Variants in ZNF638 observed in about 807,000 individuals in gnomAD.
The protein encoded by ZNF638 is CTCL tumor antigen se33-1.
ZNF638 carries 46 observed loss-of-function variants against 195.6 expected under a neutral mutation model. The observed-to-expected ratio is 0.24, with a 90% CI of 0.19 to 0.30. ZNF638 has a LOEUF of 0.30. Among genes scored for constraint, ZNF638 ranks in the 10% least tolerant of loss-of-function variants. The pLI is 1.00. For synonymous variants in ZNF638, 845 were observed against 772.0 expected, an observed-to-expected ratio of 1.09 and a Z score of -1.57; for missense variants, 2,440 against 2,325.3, an observed-to-expected ratio of 1.05 and a Z score of -1.01.
intron 20 of ZNF638, among the ~76,000 whole-genome samples, chr2:71,410,980 ACCT>A (rs1244265241): frequency 0.012 from 529 of 42,622 alleles, 24 homozygotes; most frequent in African/African-American, 0.048. Flanking sequence ...CCCACCCACC[ACCT>A]CCCCCCCCCT....
intron 1 of ZNF638, among the ~76,000 whole-genome samples, chr2:71,336,418 C>A (rs1270461447): frequency 7.0e-6 from 1 of 142,724 alleles, no homozygotes; most frequent in Non-Finnish European, 1.5e-5. Context: ...AACACAAGTG[C>A]TTGTTAAACA....
Position 71,426,583 on chromosome 2 carries a change from G to A in ZNF638, c.4714G>A (p.Val1572Ile). 2 of 1,614,098 alleles carry A rather than the reference G, an allele frequency of 1.2e-6. No individual in the cohort carries two copies. Among genetic ancestry groups the A allele is most frequent in the Non-Finnish European group, 1.7e-6 (2 of 1,179,990 alleles). The change falls in exon 24 of 28, where the codon GTT becomes ATT. Residue 1572 changes from valine (V) to isoleucine (I), a missense_variant. By Grantham distance (29) the Val-to-Ile change is conservative. Coordinates refer to ENST00000264447, the MANE Select transcript of ZNF638 (RefSeq NM_014497.5). ...KGKRKETLKN[V>I]PFSELNLKKK... ...AAAAAGGAAAGAAACTCTCAAAAAT[G>A]TTCCTTTCTCTGAACTTAACTTAAA... is the stretch of plus-strand genomic sequence containing the variant.
Position 71,423,308 on chromosome 2 carries a change from T to C in ZNF638, c.3794T>C (p.Val1265Ala). 2.5e-6 allele frequency: 4 copies of C among 1,613,612 alleles called. No individual in the cohort carries two copies. Among genetic ancestry groups the C allele is most frequent in the Non-Finnish European group, 3.4e-6 (4 of 1,179,920 alleles). ...ACTATGGTAGAAGCTGTAGCTGAAG[T>C]AGAAAAAAATGAAACTGTTTCGGAA... ...TQTMVEAVAE[V>A]EKNETVSEIL... The change falls in exon 22 of 28, where the codon GTA becomes GCA. Residue 1265 changes from valine (V) to alanine (A), a missense_variant. By Grantham distance (64) the Val-to-Ala change is moderately conservative. This residue lies in a region of ZNF638 where 1,883 missense variants were observed against 1,739.1 expected (regional missense o/e 1.08). Transcript: ENST00000264447.
At chr2:71,366,237 C>G (rs1348714533) in intron 6 of ZNF638, among the ~76,000 whole-genome samples, 1 of 151,782 alleles carries the variant, frequency 6.6e-6, no homozygotes, top group Non-Finnish European at 1.5e-5. Flanking sequence ...GTAGTCCCAG[C>G]TACTTGGGAG....
intron 3 of ZNF638, among the ~76,000 whole-genome samples, chr2:71,357,382 A>G (rs2079040991): frequency 6.6e-6 from 1 of 152,204 alleles, no homozygotes; most frequent in South Asian, 2.1e-4. Context: ...GATGCTGTAA[A>G]GACAAACATA....
chr2:71,334,921 CAA>C (rs890541697), intron 1 of ZNF638, among the ~76,000 whole-genome samples: 1 of 106,700 alleles, frequency 9.4e-6, no homozygotes, highest in Non-Finnish European at 2.0e-5. Flanking sequence ...ACTCCGTCTC[CAA>C]AAAAAAAAAC....
intron 8 of ZNF638, 73 bp from the exon 9 acceptor site, chr2:71,380,149 T>C (rs2104350244): frequency 4.8e-6 from 4 of 832,740 alleles, no homozygotes; most frequent in East Asian, 6.1e-5. Context: ...AGGAAGATTT[T>C]AGATTTTTGT....
At chr2:71,431,262 C>A in intron 25 of ZNF638, 65 bp from the exon 26 acceptor site, 2 of 1,372,650 alleles carry the variant, frequency 1.5e-6, no homozygotes, top group Non-Finnish European at 1.0e-6. Context: ...AAGAATTATC[C>A]AATGTTAACT....
At chr2:71,374,300 A>T (rs1189798682) in intron 8 of ZNF638, among the ~76,000 whole-genome samples, 1 of 152,180 alleles carries the variant, frequency 6.6e-6, no homozygotes, top group Non-Finnish European at 1.5e-5. Context: ...TGATTTGAAA[A>T]GCTTCTTTTA....
At chr2:71,358,063 C>G (rs1421247237) in intron 3 of ZNF638, among the ~76,000 whole-genome samples, 1 of 152,200 alleles carries the variant, frequency 6.6e-6, no homozygotes, top group Admixed American at 6.5e-5. Flanking sequence ...ATGCTTCTCT[C>G]CTAGTTTCTA....
At chr2:71,409,580 C>T (rs978200948) in intron 20 of ZNF638, among the ~76,000 whole-genome samples, 2 of 152,124 alleles carry the variant, frequency 1.3e-5, no homozygotes, top group South Asian at 2.1e-4. Context: ...CTTATATTCC[C>T]AGTCATTTCT....
chr2:71,363,908 T>G, intron 4 of ZNF638, 46 bp from the exon 5 acceptor site: 1 of 1,555,054 alleles, frequency 6.4e-7, no homozygotes, highest in Non-Finnish European at 8.7e-7. Context: ...CATTTAAATT[T>G]ACATTAAATT....
intron 17 of ZNF638, among the ~76,000 whole-genome samples, chr2:71,405,039 C>G (rs528849169): frequency 3.3e-4 from 50 of 152,134 alleles, no homozygotes; most frequent in African/African-American, 1.2e-3. Context: ...TTATACACAC[C>G]AGTAGTATCA....
At chr2:71,372,798 AAC>A (rs1333239229) in intron 8 of ZNF638, among the ~76,000 whole-genome samples, 1 of 152,230 alleles carries the variant, frequency 6.6e-6, no homozygotes, top group Non-Finnish European at 1.5e-5. Flanking sequence ...GAGGTTCTAT[AAC>A]ACACATTTCT....
rs2542514 is a variant in ZNF638, at chr2:71,368,276, C to A, written c.1996-106C>A. ...ATGGGTAAAAAATATGGAAAAGACC[C>A]TTTAGTGTACTAATATTAGTGGTAG... On this transcript the variant is annotated intron_variant, in intron 6 of 27. Coordinates refer to ENST00000264447, the MANE Select transcript of ZNF638 (RefSeq NM_014497.5). The A allele has an allele frequency of 1.2e-3, 1,223 of 1,044,462 alleles. 3 individuals are homozygous for A. Among genetic ancestry groups the A allele is most frequent in the Non-Finnish European group, 1.5e-3 (1,127 of 750,106 alleles). 64.7% of individuals were successfully genotyped at this position (1,044,462 alleles called of 1,614,324 possible).
At chr2:71,341,161 A>G (rs368357347) in intron 1 of ZNF638, among the ~76,000 whole-genome samples, 3 of 152,170 alleles carry the variant, frequency 2.0e-5, no homozygotes, top group Non-Finnish European at 1.5e-5. Context: ...TATCTTTTCA[A>G]TTCATCAAGC....
intron 21 of ZNF638, among the ~76,000 whole-genome samples, chr2:71,420,957 A>G (rs558260875): frequency 5.8e-4 from 89 of 152,206 alleles, no homozygotes; most frequent in Middle Eastern, 3.2e-3. Flanking sequence ...TCAAGTATGG[A>G]ACTGCATAAT....
intron 8 of ZNF638, among the ~76,000 whole-genome samples, chr2:71,378,583 G>C (rs2079478462): frequency 1.3e-5 from 2 of 152,142 alleles, no homozygotes; most frequent in East Asian, 3.8e-4. Flanking sequence ...AACTTCAAGG[G>C]GTAGAGAGAG....
At chr2:71,408,506 A>T in intron 20 of ZNF638, 1 of 380,804 alleles carries the variant, frequency 2.6e-6, no homozygotes. Context: ...TTTTGTGTAT[A>T]GTGACTCTTT....
Sources: gnomAD v4.1 joint callset for allele counts (sites outside exome capture counted in the v4.1 genomes callset) on GRCh38, gnomAD v4.1.1 for gene constraint, gnomAD v4.1.1 regional missense constraint, MANE v1.5 for transcripts, NCBI Gene and HGNC (gene_info 2026-07-23, HGNC 2026-07-21) for gene names.